The following KIR3DL2 variants were observed in gnomAD, a reference collection of about 807,000 sequenced individuals.
The protein encoded by KIR3DL2 is killer cell immunoglobulin like receptor, three Ig domains and long cytoplasmic tail 2.
A neutral mutation model predicts 41.6 loss-of-function variants in KIR3DL2; 42 were observed. That is an observed-to-expected ratio of 1.01 (90% CI 0.79 to 1.31). KIR3DL2 has a LOEUF of 1.31. KIR3DL2 is among the 50% of genes most tolerant of loss of function. The pLI is 0.00. For missense variants in KIR3DL2, 728 were observed against 576.8 expected, an observed-to-expected ratio of 1.26 and a Z score of -2.68; for synonymous variants, 230 against 221.3, an observed-to-expected ratio of 1.04 and a Z score of -0.35.
In KIR3DL2 at chr19:54,853,779, C is replaced by A. The variant is rs1332553927; in HGVS notation, c.388C>A (p.Pro130Thr). The change falls in exon 4 of 9, where the codon CCA becomes ACA. Residue 130 changes from proline (P) to threonine (T), a missense_variant. Physicochemically the swap from Pro to Thr is conservative, Grantham distance 38. Coordinates refer to ENST00000326321, the MANE Select transcript of KIR3DL2 (RefSeq NM_006737.4). Reference sequence around the variant, plus strand: ...CAGAAAACCTTCCCTCCTGGCCCACCCAGGGCCCCTGCTGAAATCAGGAGA... The same window carrying A: ...CAGAAAACCTTCCCTCCTGGCCCACACAGGGCCCCTGCTGAAATCAGGAGA... ...NHRKPSLLAH[P>T]GPLLKSGETV... The A allele has an allele frequency of 2.6e-4, 421 of 1,611,418 alleles. 3 individuals carry two copies. The highest frequency in any genetic ancestry group is 3.5e-4 in the Non-Finnish European group (412 of 1,178,586).
chr19:54,859,097 G>A lies in KIR3DL2; in HGVS notation c.968G>A (p.Trp323Ter). The stretch of plus-strand genomic sequence containing the variant: ...GTTCTAGGAAACCCTTCAAGTAGTT[G>A]GCCTTCACCCACAGAACCAAGCTCC... ...VSVTGNPSSS[W>*]PSPTEPSSKS... The change falls in exon 6 of 9, where the codon TGG becomes TAG. Residue 323 changes from tryptophan to a stop codon, truncating the protein, a stop_gained. Coordinates refer to ENST00000326321, the MANE Select transcript of KIR3DL2 (RefSeq NM_006737.4). LOFTEE classifies it high-confidence loss of function. 2 of 1,613,644 alleles carry A rather than the reference G, an allele frequency of 1.2e-6. No homozygotes were observed. The highest frequency in any genetic ancestry group is 1.3e-5 in the African/African-American group (1 of 74,982).
At chr19:54,850,609 GAGATATGGGCCTGGGT>G in intron 1 of KIR3DL2, 100 bp downstream of exon 1, 1 of 1,542,608 alleles carries the variant, frequency 6.5e-7, no homozygotes, top group Non-Finnish European at 8.8e-7. Flanking sequence ...GCCTGGAGTG[GAGATATGGGCCTGGGT>G]GTGGAGATAT....
At chr19:54,852,985 C>T (rs199532470) in intron 3 of KIR3DL2, among the ~76,000 whole-genome samples, 5,080 of 149,600 alleles carry the variant, frequency 0.034, 195 homozygotes, top group Middle Eastern at 0.065. Flanking sequence ...GTGGTGGGCA[C>T]GAGTAATCCA....
chr19:54,865,625 T>A (rs4806457), intron 6 of KIR3DL2, among the ~76,000 whole-genome samples, 180 bp from the exon 7 acceptor site: 1 of 152,002 alleles, frequency 6.6e-6, no homozygotes, highest in African/African-American at 2.4e-5. Flanking sequence ...ATCCTCAGCA[T>A]GTTCTATGGT....
At chr19:54,854,760 AGAG>A (rs2064600160) in intron 4 of KIR3DL2, among the ~76,000 whole-genome samples, 1 of 151,872 alleles carries the variant, frequency 6.6e-6, no homozygotes, top group African/African-American at 2.4e-5. Flanking sequence ...AAGAAAGAAA[AGAG>A]GGCAGAGGAG....
Position 54,853,833 on chromosome 19 carries a change from G to A in KIR3DL2, c.442G>A (p.Val148Ile), listed in dbSNP as rs760095986. The A allele has an allele frequency of 6.2e-5, 100 of 1,612,586 alleles. 3 individuals carry two copies. The highest frequency in any genetic ancestry group is 6.0e-4 in the African/African-American group (45 of 74,604). Residue 148 changes from valine (V) to isoleucine (I), a missense_variant, in exon 4 of 9, where the codon GTC becomes ATC. Physicochemically the swap from Val to Ile is conservative, Grantham distance 29. Transcript: ENST00000326321. ...AGTCATCCTGCAATGTTGGTCAGAT[G>A]TCATGTTTGAGCACTTCTTTCTGCA... ...ETVILQCWSD[V>I]MFEHFFLHRE... is the part of the protein sequence containing the mutation.
chr19:54,865,451 A>T (rs1215742445), intron 6 of KIR3DL2, among the ~76,000 whole-genome samples: 1 of 152,078 alleles, frequency 6.6e-6, no homozygotes, highest in Non-Finnish European at 1.5e-5. Flanking sequence ...TAGAGGGGGA[A>T]CTTGCTAACC....
intron 2 of KIR3DL2, 77 bp downstream of exon 2, chr19:54,851,332 C>G (rs1249158024): frequency 1.3e-6 from 2 of 1,488,210 alleles, no homozygotes; most frequent in East Asian, 4.8e-5. Context: ...GAAGTCCTGT[C>G]GGGGAGTCTC....
chr19:54,852,554 A>C (rs2064368540), intron 3 of KIR3DL2, among the ~76,000 whole-genome samples: 1 of 151,642 alleles, frequency 6.6e-6, no homozygotes, highest in Non-Finnish European at 1.5e-5. Flanking sequence ...GTTGACCTTG[A>C]GATGGGGAGA....
rs752062445 is a variant in KIR3DL2 at position 54,851,263 on chromosome 19, C to G, written c.70+8C>G. The G allele has an allele frequency of 6.2e-7, 1 of 1,607,572 alleles. No homozygotes were observed. Among genetic ancestry groups the G allele is most frequent in the Non-Finnish European group, 8.5e-7 (1 of 1,176,944 alleles). ...GGGCCTGGCCACTCATGGGTGAGTC[C>G]GTCCCCAAACCTTAGGGTGTCATCT... On this transcript the variant is annotated splice_region_variant and intron_variant, in intron 2 of 8. Coordinates refer to ENST00000326321, the MANE Select transcript of KIR3DL2 (RefSeq NM_006737.4).
At chr19:54,851,913 C>T (rs668655) in intron 2 of KIR3DL2, 85 bp from the exon 3 acceptor site, 562,764 of 1,526,072 alleles carry the variant, frequency 0.37, 106,100 homozygotes, top group South Asian at 0.41. Context: ...CCTTAGAAAG[C>T]GGAAATGGGA....
intron 6 of KIR3DL2, among the ~76,000 whole-genome samples, chr19:54,860,913 T>C (rs78196166): frequency 0.4 from 43,737 of 108,052 alleles, 7,073 homozygotes; most frequent in East Asian, 0.74. Flanking sequence ...AATGACAAGA[T>C]GACTGTAGAG....
chr19:54,858,256 C>T (rs2064935932), intron 5 of KIR3DL2, among the ~76,000 whole-genome samples: 1 of 150,750 alleles, frequency 6.6e-6, no homozygotes, highest in Non-Finnish European at 1.5e-5. Flanking sequence ...TTTTCTTCTA[C>T]ATGTTTCATA....
At chr19:54,858,624 A>T (rs1352579778) in intron 5 of KIR3DL2, among the ~76,000 whole-genome samples, 8 of 151,296 alleles carry the variant, frequency 5.3e-5, no homozygotes, top group African/African-American at 2.0e-4. Context: ...ACTACTCAGG[A>T]GTTTGAAGCA....
At chr19:54,853,054 G>A (rs1161051367) in intron 3 of KIR3DL2, among the ~76,000 whole-genome samples, 1 of 151,154 alleles carries the variant, frequency 6.6e-6, no homozygotes, top group Non-Finnish European at 1.5e-5. Flanking sequence ...AGGTTGCAGT[G>A]AGCCAAGACA....
Position 54,853,868 on chromosome 19 carries a change from G to T in KIR3DL2, c.477G>T (p.Gly159=), listed in dbSNP as rs563415208. The T allele has an allele frequency of 9.4e-5, 151 of 1,612,984 alleles. No individual in the cohort carries two copies. In the South Asian group the frequency reaches 1.6e-3, roughly 17 times the overall value. ...MFEHFFLHRE[G]ISEDPSRLVG... ...AGCACTTCTTTCTGCACAGAGAGGG[G>T]ATCTCTGAGGACCCCTCACGCCTCG... Residue 159 remains glycine (G), a synonymous_variant, in exon 4 of 9, where the codon GGG becomes GGT. Coordinates refer to ENST00000326321, the MANE Select transcript of KIR3DL2 (RefSeq NM_006737.4).
chr19:54,862,409 T>C (rs1187999545), intron 6 of KIR3DL2, among the ~76,000 whole-genome samples: 1 of 152,114 alleles, frequency 6.6e-6, no homozygotes, highest in Non-Finnish European at 1.5e-5. Flanking sequence ...CCTGGGCCTA[T>C]GCCAATTTCT....
At position 54,866,660 on chromosome 19, in the gene KIR3DL2, A is replaced by G. The variant is rs759087994; in HGVS notation, c.1297A>G (p.Asn433Asp). ...TDTSVYTELP[N>D]AEPRSKVVSC... ...TACCAGCGTGTACACGGAACTTCCA[A>G]ATGCTGAGCCCAGATCCAAAGTTGT... Residue 433 changes from asparagine to aspartate, a missense_variant, in exon 9 of 9, where the codon AAT becomes GAT. Transcript: ENST00000326321. 6.2e-7 allele frequency: 1 copy of G among 1,613,832 alleles called. No homozygotes were observed. Among genetic ancestry groups the G allele is most frequent in the Non-Finnish European group, 8.5e-7 (1 of 1,179,960 alleles).
chr19:54,866,696 C>G lies in KIR3DL2; in HGVS notation c.1333C>G (p.Arg445Gly). 1 of 1,613,894 alleles carries G rather than the reference C, an allele frequency of 6.2e-7. No individual in the cohort carries two copies. The highest frequency in any genetic ancestry group is 1.1e-5 in the South Asian group (1 of 91,074). ...CAGATCCAAAGTTGTCTCCTGCCCACGAGCACCACAGTCAGGTCTTGAGGG... is the reference window on the plus strand; with the variant it reads ...CAGATCCAAAGTTGTCTCCTGCCCAGGAGCACCACAGTCAGGTCTTGAGGG... ...EPRSKVVSCP[R>G]APQSGLEGVF Residue 445 changes from arginine (R) to glycine (G), a missense_variant, in exon 9 of 9, where the codon CGA becomes GGA. Arg to Gly is a moderately radical substitution (Grantham distance 125, BLOSUM62 -2). Transcript: ENST00000326321.
Sources: gnomAD v4.1 joint callset for allele counts (sites outside exome capture counted in the v4.1 genomes callset) on GRCh38, gnomAD v4.1.1 for gene constraint, MANE v1.5 for transcripts, NCBI Gene and HGNC (gene_info 2026-07-23, HGNC 2026-07-21) for gene names.